GALNT10: variants seen among roughly 807,000 people sequenced by gnomAD.
GALNT10 encodes the protein GalNAc transferase 10.
A neutral mutation model predicts 75.0 loss-of-function variants in GALNT10; 41 were observed. That is an observed-to-expected ratio of 0.55 (90% CI 0.43 to 0.71). The LOEUF (loss-of-function observed/expected upper bound fraction) is 0.71. Ranked by LOEUF, GALNT10 falls within the 30% of genes least tolerant of loss-of-function variation. The pLI is 0.00. For missense variants in GALNT10, 727 were observed against 818.5 expected, an observed-to-expected ratio of 0.89 and a Z score of 1.36; for synonymous variants, 302 against 313.0, an observed-to-expected ratio of 0.96 and a Z score of 0.37.
chr5:154,305,353 C>T (rs1030970571), intron 3 of GALNT10, among the ~76,000 whole-genome samples: 3 of 150,906 alleles, frequency 2.0e-5, no homozygotes, highest in Non-Finnish European at 2.9e-5. Context: ...TGGACTTTAA[C>T]CTGACCATAT....
chr5:154,306,235 A>C (rs1408569089), intron 3 of GALNT10, among the ~76,000 whole-genome samples: 1 of 152,216 alleles, frequency 6.6e-6, no homozygotes, highest in East Asian at 1.9e-4. Flanking sequence ...ATTCTTTTCA[A>C]GTGGATATGA....
At chr5:154,203,270 C>T (rs774159797) in intron 1 of GALNT10, among the ~76,000 whole-genome samples, 3 of 152,164 alleles carry the variant, frequency 2.0e-5, no homozygotes, top group African/African-American at 7.2e-5. Context: ...CCGCAACCCC[C>T]ATAGTCTCCG....
chr5:154,386,617 G>GGGGGGCC, intron 7 of GALNT10, 187 bp downstream of exon 7: 1 of 365,832 alleles, frequency 2.7e-6, no homozygotes, highest in Non-Finnish European at 5.3e-6. Flanking sequence ...GGGGGTGTGG[G>GGGGGGCC]AGGGAAGGGG....
At chr5:154,405,876 G>T (rs28380337) in intron 8 of GALNT10, among the ~76,000 whole-genome samples, 8,852 of 146,770 alleles carry the variant, frequency 0.06, 506 homozygotes, top group African/African-American at 0.14. Flanking sequence ...TGTTGCTGTT[G>T]TTTTTTTTTT....
chr5:154,193,607 C>A (rs1270755298), intron 1 of GALNT10, among the ~76,000 whole-genome samples: 2 of 152,210 alleles, frequency 1.3e-5, no homozygotes, highest in African/African-American at 4.8e-5. Context: ...TCTCGTTGAT[C>A]CTTCTGGTAG....
chr5:154,415,713 T>A, intron 10 of GALNT10, 70 bp from the exon 11 acceptor site: 1 of 1,354,464 alleles, frequency 7.4e-7, no homozygotes, highest in East Asian at 2.6e-5. Flanking sequence ...TTTCCATAAT[T>A]TAAAAAAAAT....
At chr5:154,276,893 T>C (rs917094314) in intron 1 of GALNT10, among the ~76,000 whole-genome samples, 1 of 152,104 alleles carries the variant, frequency 6.6e-6, no homozygotes, top group Non-Finnish European at 1.5e-5. Flanking sequence ...GTTGTTTGGA[T>C]CTTAAAAAAT....
At chr5:154,192,600 T>C (rs545379629) in intron 1 of GALNT10, among the ~76,000 whole-genome samples, 1 of 152,358 alleles carries the variant, frequency 6.6e-6, no homozygotes, top group East Asian at 1.9e-4. Context: ...CCATGATTAT[T>C]GGTCCAGTTC....
At chr5:154,248,610 A>G (rs1297896967) in intron 1 of GALNT10, among the ~76,000 whole-genome samples, 1 of 152,248 alleles carries the variant, frequency 6.6e-6, no homozygotes. Flanking sequence ...AGATGTTTAT[A>G]GTATTCTCTG....
At chr5:154,322,342 A>G (rs1294127494) in intron 3 of GALNT10, among the ~76,000 whole-genome samples, 5 of 152,130 alleles carry the variant, frequency 3.3e-5, no homozygotes, top group African/African-American at 9.7e-5. Context: ...AGAGCCAGCA[A>G]CCGTGGGTGG....
At chr5:154,193,879 A>T (rs1774897672) in intron 1 of GALNT10, among the ~76,000 whole-genome samples, 1 of 152,254 alleles carries the variant, frequency 6.6e-6, no homozygotes, top group African/African-American at 2.4e-5. Flanking sequence ...TAGCTGATTT[A>T]TAAAGGACAC....
At chr5:154,410,628 C>A (rs1266037517) in intron 9 of GALNT10, among the ~76,000 whole-genome samples, 1 of 152,162 alleles carries the variant, frequency 6.6e-6, no homozygotes, top group African/African-American at 2.4e-5. Flanking sequence ...GGCAGTAACG[C>A]AAGTAAGAAA....
rs1010689088 is a variant in GALNT10 at position 154,409,903 on chromosome 5, T to C, written c.1386+141T>C. 7 of 632,416 alleles carry C rather than the reference T, an allele frequency of 1.1e-5. No individual in the cohort carries two copies. The highest frequency in any genetic ancestry group is 1.7e-5 in the Non-Finnish European group (6 of 357,104). The allele number at this position is 632,416 out of a possible 1,614,324, so 39.2% of individuals were successfully genotyped here. The stretch of plus-strand genomic sequence containing the variant: ...ATCGTTTCCTTTCTTTCCTGGTCTC[T>C]CTCTAGCCTTGTCATGGTGTATTTT... On this transcript the variant is annotated intron_variant, in intron 9 of 11. Transcript: ENST00000297107. The surrounding 1 kb of genome is among the most constrained non-coding windows in gnomAD (Gnocchi z 4.5).
At chr5:154,273,911 G>A (rs915059570) in intron 1 of GALNT10, among the ~76,000 whole-genome samples, 2 of 152,126 alleles carry the variant, frequency 1.3e-5, no homozygotes, top group African/African-American at 4.8e-5. Context: ...CCCTCTTGCC[G>A]GGCTCCCCCT....
intron 4 of GALNT10, among the ~76,000 whole-genome samples, chr5:154,342,715 CCT>C (rs1383403824): frequency 6.6e-6 from 1 of 152,174 alleles, no homozygotes; most frequent in Non-Finnish European, 1.5e-5. Flanking sequence ...TGGCCAGACC[CCT>C]GTTTTCCAGG....
intron 1 of GALNT10, among the ~76,000 whole-genome samples, chr5:154,279,065 A>C (rs188603138): frequency 5.3e-5 from 8 of 152,314 alleles, no homozygotes; most frequent in African/African-American, 1.4e-4. Flanking sequence ...ATACATACCT[A>C]AAATGGAATT....
intron 8 of GALNT10, among the ~76,000 whole-genome samples, chr5:154,406,492 A>C (rs1178599957): frequency 2.6e-5 from 4 of 152,164 alleles, no homozygotes; most frequent in African/African-American, 9.7e-5. Flanking sequence ...CTTGCAGACC[A>C]CATTTAAAAT....
At chr5:154,283,198 C>T (rs1754064249) in intron 1 of GALNT10, among the ~76,000 whole-genome samples, 1 of 145,502 alleles carries the variant, frequency 6.9e-6, no homozygotes, top group Admixed American at 7.2e-5. Flanking sequence ...AATCTCAGCA[C>T]TTTGGGAGTC....
chr5:154,383,573 C>T (rs1755764124), intron 6 of GALNT10, among the ~76,000 whole-genome samples: 1 of 152,170 alleles, frequency 6.6e-6, no homozygotes, highest in Non-Finnish European at 1.5e-5. Context: ...GGCAAAGCCT[C>T]GAGCATCCCA....
Sources: gnomAD v4.1 joint callset for allele counts (sites outside exome capture counted in the v4.1 genomes callset) on GRCh38, gnomAD v4.1.1 for gene constraint, Gnocchi (gnomAD v3.1) non-coding constraint, MANE v1.5 for transcripts, NCBI Gene and HGNC (gene_info 2026-07-23, HGNC 2026-07-21) for gene names.